Variants in ZNF529 observed in about 807,000 individuals in gnomAD.
The protein encoded by ZNF529 is zinc finger protein 529.
A neutral mutation model predicts 10.1 loss-of-function variants in ZNF529; 11 were observed. The observed-to-expected ratio is 1.09, with a 90% CI of 0.69 to 1.81. The LOEUF (loss-of-function observed/expected upper bound fraction) is 1.81. Among genes scored for constraint, ZNF529 ranks in the 40% most tolerant of loss-of-function variants. ZNF529 has a pLI of 0.00. For missense variants in ZNF529, 624 were observed against 666.8 expected (o/e 0.94, Z 0.71); for synonymous variants, 204 against 215.7 (o/e 0.95, Z 0.47).
intron 1 of ZNF529, among the ~76,000 whole-genome samples, chr19:36,596,954 G>A (rs1237316305): frequency 1.3e-5 from 2 of 152,082 alleles, no homozygotes; most frequent in Non-Finnish European, 2.9e-5. Context: ...GCTCACTGCA[G>A]TCTTGACTTC....
intron 4 of ZNF529, chr19:36,551,854 A>G (rs2035272087): frequency 6.6e-6 from 1 of 152,200 alleles, no homozygotes. Flanking sequence ...ATCACTATAT[A>G]TGTTCTCTAC....
intron 4 of ZNF529, among the ~76,000 whole-genome samples, chr19:36,552,158 C>T (rs2035284960): frequency 6.6e-6 from 1 of 152,056 alleles, no homozygotes; most frequent in Admixed American, 6.6e-5. Flanking sequence ...GGGCTGGGTG[C>T]AGTGGCTTAC....
At chr19:36,592,284 C>CAAAAAA (rs35717465) in intron 1 of ZNF529, among the ~76,000 whole-genome samples, 562 of 49,480 alleles carry the variant, frequency 0.011, no homozygotes, top group Non-Finnish European at 0.013. Context: ...GACTTTGTCT[C>CAAAAAA]AAAAAAAAAA....
rs2035028879 is a variant in ZNF529 at position 36,546,539 on chromosome 19, A to G, written c.*327T>C. On this transcript the variant is annotated 3_prime_UTR_variant, in exon 5 of 5. Transcript: ENST00000591340. The stretch of plus-strand genomic sequence containing the variant: ...GAATTACAATGCAGAAAAGATATTG[A>G]AGTAATATTACAATTAAAAAACTGA... 4.5e-6 allele frequency: 1 copy of G among 221,942 alleles called. No individual in the cohort carries two copies. The highest frequency in any genetic ancestry group is 8.8e-6 in the Non-Finnish European group (1 of 113,260). The allele number at this position is 221,942 out of a possible 1,614,324, so 13.7% of individuals were successfully genotyped here. A position where few individuals can be genotyped will look rare whatever the true frequency, so the allele number is the denominator to read the frequency against.
chr19:36,548,531 G>A (rs1349384910), intron 4 of ZNF529, among the ~76,000 whole-genome samples: 1 of 152,176 alleles, frequency 6.6e-6, no homozygotes, highest in African/African-American at 2.4e-5. Flanking sequence ...TCTGAAATTT[G>A]TGTGTTGGTC....
chr19:36,597,529 A>T (rs1349739244), intron 1 of ZNF529, among the ~76,000 whole-genome samples: 1 of 152,208 alleles, frequency 6.6e-6, no homozygotes, highest in Non-Finnish European at 1.5e-5. Flanking sequence ...CTGAACATAC[A>T]TACATCATAC....
chr19:36,548,046 T>C lies in ZNF529; in HGVS notation c.512A>G (p.Tyr171Cys), dbSNP rs375444324. 858 of 1,613,828 alleles carry C rather than the reference T, an allele frequency of 5.3e-4. No individual in the cohort carries two copies. Among genetic ancestry groups the C allele is most frequent in the Non-Finnish European group, 6.9e-4 (817 of 1,179,880 alleles). The change falls in exon 5 of 5, where the codon TAT becomes TGT. Residue 171 changes from tyrosine to cysteine, a missense_variant. Tyr to Cys is a radical substitution (Grantham distance 194, BLOSUM62 -2). Transcript: ENST00000591340. ...GACCTTCTCATATTCCTTGTATTCA[T>C]AGGGCTTCTCACTGTCATGAGTTCT... ...PRRTHDSEKPYEYKEYEKVFS... is the reference protein window; with the variant it reads ...PRRTHDSEKPCEYKEYEKVFS...
At chr19:36,571,503 C>T (rs559671494) in intron 2 of ZNF529, among the ~76,000 whole-genome samples, 1 of 152,040 alleles carries the variant, frequency 6.6e-6, no homozygotes, top group African/African-American at 2.4e-5. Flanking sequence ...GATGAAACCC[C>T]TTCTCTACTA....
chr19:36,601,028 A>G (rs1287540232), intron 1 of ZNF529, among the ~76,000 whole-genome samples: 1 of 152,058 alleles, frequency 6.6e-6, no homozygotes, highest in African/African-American at 2.4e-5. Context: ...CAATTATGTA[A>G]CTTGGAAAAA....
intron 2 of ZNF529, among the ~76,000 whole-genome samples, chr19:36,556,474 G>A (rs1226865332): frequency 2.6e-5 from 4 of 152,090 alleles, no homozygotes; most frequent in Admixed American, 6.6e-5. Flanking sequence ...TCCTAGGTGG[G>A]GTAAGACATC....
chr19:36,585,032 C>T (rs1048061244), intron 2 of ZNF529, among the ~76,000 whole-genome samples: 1 of 152,156 alleles, frequency 6.6e-6, no homozygotes, highest in South Asian at 2.1e-4. Flanking sequence ...AGAGATGGGT[C>T]ATTGAGCTAA....
At chr19:36,598,064 G>C (rs1227878887) in intron 1 of ZNF529, among the ~76,000 whole-genome samples, 5 of 152,124 alleles carry the variant, frequency 3.3e-5, no homozygotes, top group Non-Finnish European at 7.3e-5. Context: ...CTTGGAAGCG[G>C]GTATAAAGTT....
rs142724767 is a variant in ZNF529 at position 36,599,262 on chromosome 19, T to C, written c.-128+5864A>G. On this transcript the variant is annotated intron_variant, in intron 1 of 4. Transcript: ENST00000585960. ...AGTTACCTAAGTCTGTACAAATACA[T>C]ACATACATATATAATTCTGACTAGC... Among the ~76,000 whole-genome samples, 379 of 152,346 alleles carry C rather than the reference T, an allele frequency of 2.5e-3. 1 individual carries two copies. The highest frequency in any genetic ancestry group is 8.5e-3 in the African/African-American group (354 of 41,588).
chr19:36,570,360 CAAAAAAAA>C (rs58429405), intron 2 of ZNF529, among the ~76,000 whole-genome samples: 9 of 70,586 alleles, frequency 1.3e-4, no homozygotes, highest in Non-Finnish European at 1.7e-4. Context: ...GACCCTATCT[CAAAAAAAA>C]AAAAAAAAAA....
intron 1 of ZNF529, among the ~76,000 whole-genome samples, chr19:36,591,515 C>T (rs2036714329): frequency 6.6e-6 from 1 of 150,780 alleles, no homozygotes; most frequent in African/African-American, 2.4e-5. Flanking sequence ...GTCAGGAGAT[C>T]GAGACCATCC....
chr19:36,585,836 G>C (rs946469700), intron 2 of ZNF529, among the ~76,000 whole-genome samples: 2 of 152,202 alleles, frequency 1.3e-5, no homozygotes, highest in Non-Finnish European at 2.9e-5. Flanking sequence ...GATGGTTAAC[G>C]ATACTTAACA....
rs1438316015 is a variant in ZNF529, at chr19:36,544,525, A to G, written c.*2341T>C. 1 of 152,208 alleles carries G rather than the reference A, an allele frequency of 6.6e-6. No individual in the cohort carries two copies. The highest frequency in any genetic ancestry group is 2.4e-5 in the African/African-American group (1 of 41,448). 9.4% of individuals were successfully genotyped at this position (152,208 alleles called of 1,614,324 possible). On this transcript the variant is annotated 3_prime_UTR_variant, in exon 5 of 5. Coordinates refer to ENST00000591340, the MANE Select transcript of ZNF529 (RefSeq NM_020951.5). Reference sequence around the variant, plus strand: ...CCTGGAGAACTATACCCAAAAGAGGAACATTAGCACTGATGGTAACTCAGG... The same window carrying G: ...CCTGGAGAACTATACCCAAAAGAGGGACATTAGCACTGATGGTAACTCAGG...
chr19:36,574,751 C>T (rs1354788464), upstream of ZNF529: 3 of 464,430 alleles, frequency 6.5e-6, no homozygotes, highest in Non-Finnish European at 1.3e-5. Flanking sequence ...CTGAACAGCA[C>T]TCCATTGTGC....
intron 1 of ZNF529, among the ~76,000 whole-genome samples, chr19:36,591,297 CA>C (rs66878050): frequency 0.16 from 11,419 of 72,932 alleles, 317 homozygotes; most frequent in African/African-American, 0.21. Flanking sequence ...GACTCCGTCT[CA>C]AAAAAAAAAA....
Sources: allele counts gnomAD v4.1 joint callset (sites outside exome capture counted in the v4.1 genomes callset), GRCh38; gene constraint gnomAD v4.1.1; transcripts MANE v1.5; gene names NCBI Gene and HGNC (gene_info 2026-07-23, HGNC 2026-07-21).